Variants in GGA2 observed in about 807,000 individuals in gnomAD.
GGA2 encodes golgi associated, gamma adaptin ear containing, ARF binding protein 2.
GGA2 carries 48 observed loss-of-function variants against 79.5 expected under a neutral mutation model. That is an observed-to-expected ratio of 0.60 (90% CI 0.48 to 0.77). The LOEUF (loss-of-function observed/expected upper bound fraction) is 0.77, where lower values mean the gene tolerates loss of function less well. Among genes scored for constraint, GGA2 ranks in the 30% least tolerant of loss-of-function variants. The pLI is 0.00. For synonymous variants in GGA2, 317 were observed against 302.0 expected, an observed-to-expected ratio of 1.05 and a Z score of -0.51; for missense variants, 770 against 774.0, an observed-to-expected ratio of 0.99 and a Z score of 0.06.
chr16:23,477,055 G>A (rs555426402), intron 13 of GGA2, among the ~76,000 whole-genome samples: 24 of 152,276 alleles, frequency 1.6e-4, no homozygotes, highest in African/African-American at 5.5e-4. Context: ...GGGCTCAAGT[G>A]ATCCTTCTAC....
rs748217389 is a variant in GGA2 at position 23,486,727 on chromosome 16, T to C, written c.643A>G (p.Lys215Glu). 1.2e-6 allele frequency: 2 copies of C among 1,608,030 alleles called. No individual in the cohort carries two copies. Among genetic ancestry groups the C allele is most frequent in the South Asian group, 2.2e-5 (2 of 90,974 alleles). The part of the protein sequence containing the change: ...EDLQAANRLI[K>E]NLVKEEQEKS... ...ATGCCCACCTCCTTGACCAAATTCT[T>C]GATTAACCGGTTTGCAGCCTGAAGG... The change falls in exon 7 of 17, where the codon AAG becomes GAG. Residue 215 changes from lysine (K) to glutamate (E), a missense_variant. Lys to Glu is a moderately conservative substitution (Grantham distance 56). Transcript: ENST00000309859.
chr16:23,468,760 C>T (rs1432760342), intron 16 of GGA2, 126 bp downstream of exon 16: 4 of 605,392 alleles, frequency 6.6e-6, no homozygotes, highest in South Asian at 1.9e-5. Flanking sequence ...AGGGGTGAAC[C>T]ACTGTGCCCA....
rs572699145 is a variant in GGA2, at chr16:23,478,849, TTC to T, written c.1158+32_1158+33del. The T allele has an allele frequency of 1.4e-4, 212 of 1,517,944 alleles. 2 individuals carry two copies. In the South Asian group the frequency reaches 2.2e-3, roughly 16 times the overall value. The allele number at this position is 1,517,944 out of a possible 1,614,324, so 94.0% of individuals were successfully genotyped here. A position where few individuals can be genotyped will look rare whatever the true frequency, so the allele number is the denominator to read the frequency against. On this transcript the variant is annotated intron_variant, in intron 12 of 16. Transcript: ENST00000309859. ...CAAGGGCAGGTCTGAGACCCTCCCA[TTC>T]TCTCTCCGGGCCCTGGGAAGGGCAT...
At position 23,510,408 on chromosome 16, in the gene GGA2, C is replaced by G; in HGVS notation, c.4G>C (p.Ala2Pro). 1 of 1,345,790 alleles carries G rather than the reference C, an allele frequency of 7.4e-7. No homozygotes were observed. The highest frequency in any genetic ancestry group is 9.7e-7 in the Non-Finnish European group (1 of 1,031,696). The allele number at this position is 1,345,790 out of a possible 1,614,324, so 83.4% of individuals were successfully genotyped here. A position where few individuals can be genotyped will look rare whatever the true frequency, so the allele number is the denominator to read the frequency against. ...ACAGCCGCCGCCACCGCGGTCGCCG[C>G]CATCGCTCCAGCCCCGACGCTGCGG... Reference protein sequence around the residue: MAATAVAAAVAG... With the variant: MPATAVAAAVAG... The change falls in exon 1 of 17, where the codon GCG becomes CCG. Residue 2 changes from alanine to proline, a missense_variant. Ala to Pro is a conservative substitution (Grantham distance 27). Coordinates refer to ENST00000309859, the MANE Select transcript of GGA2 (RefSeq NM_015044.4).
intron 14 of GGA2, among the ~76,000 whole-genome samples, chr16:23,473,696 AGTTT>A (rs1005476508): frequency 2.6e-5 from 4 of 152,228 alleles, no homozygotes; most frequent in East Asian, 1.9e-4. Context: ...TATTTTTTAA[AGTTT>A]GTTTTGTAAT....
intron 11 of GGA2, 27 bp from the exon 12 acceptor site, chr16:23,478,938 C>A: frequency 6.5e-7 from 1 of 1,531,138 alleles, no homozygotes; most frequent in Non-Finnish European, 9.1e-7. Context: ...GAGTGAGATG[C>A]CTAACAGTAA....
At chr16:23,469,321 A>G (rs1964481755) in intron 15 of GGA2, 1 of 255,978 alleles carries the variant, frequency 3.9e-6, no homozygotes, top group Admixed American at 4.2e-5. Flanking sequence ...GACCTTGAGT[A>G]AAATATTTAA....
rs367624626 is a variant in GGA2, at chr16:23,479,715, C to T, written c.1129+50G>A. 1.9e-5 allele frequency: 31 copies of T among 1,607,944 alleles called. No individual in the cohort carries two copies. In the African/African-American group the frequency reaches 3.3e-4, roughly 17 times the overall value. On this transcript the variant is annotated intron_variant, in intron 11 of 16. Transcript: ENST00000309859. ...CTCCGCGAAGGGAACCAGCTCACTC[C>T]CCTACTCGCACCCATCCTGTGCCTG...
In GGA2 at chr16:23,466,914, G is replaced by C. The variant is rs956972718; in HGVS notation, c.*676C>G. On this transcript the variant is annotated 3_prime_UTR_variant, in exon 17 of 17. Coordinates refer to ENST00000309859, the MANE Select transcript of GGA2 (RefSeq NM_015044.4). Reference sequence around the variant, plus strand: ...CTGCCCAGGAACTCTGTCCAGGGGCGATTCTAAGGCACAGTGGTGAAGGAC... The same window carrying C: ...CTGCCCAGGAACTCTGTCCAGGGGCCATTCTAAGGCACAGTGGTGAAGGAC... The C allele has an allele frequency of 6.5e-5, 10 of 152,884 alleles. No homozygotes were observed. Among genetic ancestry groups the C allele is most frequent in the Admixed American group, 5.9e-4 (9 of 15,286 alleles). 9.5% of individuals were successfully genotyped at this position (152,884 alleles called of 1,614,324 possible). A position where few individuals can be genotyped will look rare whatever the true frequency, so the allele number is the denominator to read the frequency against.
intron 1 of GGA2, among the ~76,000 whole-genome samples, chr16:23,503,242 G>A (rs1043853942): frequency 2.6e-5 from 4 of 152,048 alleles, no homozygotes; most frequent in Admixed American, 6.6e-5. Context: ...CCCTTTATAC[G>A]TAATTGAATA....
intron 8 of GGA2, among the ~76,000 whole-genome samples, chr16:23,483,244 C>T (rs1381220679): frequency 4.6e-5 from 7 of 152,146 alleles, no homozygotes; most frequent in African/African-American, 7.2e-5. Flanking sequence ...GGGTGGCTCA[C>T]GTCTGTAATC....
chr16:23,520,353 A>C (rs1432682398), intron 1 of GGA2, among the ~76,000 whole-genome samples: 3 of 152,198 alleles, frequency 2.0e-5, no homozygotes, highest in African/African-American at 7.2e-5. Context: ...ACAAACAAGA[A>C]AATTGAGGTA....
At chr16:23,481,564 G>C (rs925300379) in intron 9 of GGA2, among the ~76,000 whole-genome samples, 1 of 152,166 alleles carries the variant, frequency 6.6e-6, no homozygotes, top group Non-Finnish European at 1.5e-5. Context: ...CTTGAGCCCA[G>C]GAGTTTGAGA....
In GGA2 at chr16:23,467,387, AACACACACACAC is replaced by A. The variant is rs57255054; in HGVS notation, c.*191_*202del. On this transcript the variant is annotated 3_prime_UTR_variant, in exon 17 of 17. Transcript: ENST00000309859. ...GCCCTGTGCTACCACCCTCTCCCCG[AACACACACACAC>A]ACACACACACACACACACACACACA... The A allele has an allele frequency of 4.7e-3, 1,547 of 327,508 alleles. 14 individuals carry two copies. The highest frequency in any genetic ancestry group is 0.026 in the African/African-American group (915 of 35,106). 20.3% of individuals were successfully genotyped at this position (327,508 alleles called of 1,614,324 possible). A position where few individuals can be genotyped will look rare whatever the true frequency, so the allele number is the denominator to read the frequency against.
chr16:23,490,243 C>T (rs991882331), intron 5 of GGA2, among the ~76,000 whole-genome samples: 2 of 152,168 alleles, frequency 1.3e-5, no homozygotes, highest in Admixed American at 1.3e-4. Flanking sequence ...GATATAGTAA[C>T]TACAGCAACA....
intron 3 of GGA2, chr16:23,493,811 C>T (rs1964820681): frequency 6.6e-6 from 2 of 305,230 alleles, no homozygotes; most frequent in African/African-American, 2.2e-5. Context: ...CAAGACCAGC[C>T]GGATGTCACC....
intron 12 of GGA2, 40 bp downstream of exon 12, chr16:23,478,843 C>G (rs1302672079): frequency 6.8e-7 from 1 of 1,460,726 alleles, no homozygotes; most frequent in East Asian, 2.3e-5. Flanking sequence ...GTCTGAGACC[C>G]TCCCATTCTC....
rs1965109090 is a variant in GGA2 at position 23,517,493 on chromosome 16, TGCTGGGATTACA to T, written c.61+2082_61+2093del. 4.4e-4 allele frequency among the ~76,000 whole-genome samples: 2 copies of T among 4,504 alleles called. 1 individual carries two copies. Among genetic ancestry groups the T allele is most frequent in the East Asian group, 4.4e-3 (2 of 454 alleles). The allele number at this position is 4,504 out of a possible 152,430, so 3.0% of individuals were successfully genotyped here. On this transcript the variant is annotated intron_variant, in intron 2 of 5. Coordinates refer to the GGA2 transcript ENST00000569300. ...ATCCGCCCGCCTCGGCCTCCCAAAG[TGCTGGGATTACA>T]GGCGTGAGCCACCGCGCCCGGCCCC...
At chr16:23,468,081 C>T (rs550497811) in intron 16 of GGA2, among the ~76,000 whole-genome samples, 1 of 152,164 alleles carries the variant, frequency 6.6e-6, no homozygotes, top group Admixed American at 6.5e-5. Flanking sequence ...CCCTAACACC[C>T]AACCAAACCA....
Sources: gnomAD v4.1 joint callset for allele counts (sites outside exome capture counted in the v4.1 genomes callset) on GRCh38, gnomAD v4.1.1 for gene constraint, MANE v1.5 for transcripts, NCBI Gene and HGNC (gene_info 2026-07-23, HGNC 2026-07-21) for gene names.